PRR16: variants seen among roughly 807,000 people sequenced by gnomAD.
The protein encoded by PRR16 is protein Largen.
A neutral mutation model predicts 18.2 loss-of-function variants in PRR16; 6 were observed. The ratio of observed to expected loss-of-function variants is 0.33; its 90% confidence interval spans 0.18 to 0.65. The LOEUF (loss-of-function observed/expected upper bound fraction) is 0.65. PRR16 is among the 30% of genes least tolerant of loss of function. PRR16 has a pLI of 0.74. For synonymous variants in PRR16, 151 were observed against 147.8 expected (o/e 1.02, Z -0.16); for missense variants, 412 against 376.6 (o/e 1.09, Z -0.78).
intron 1 of PRR16, among the ~76,000 whole-genome samples, chr5:120,539,209 G>A (rs1396943272): frequency 6.6e-6 from 1 of 151,118 alleles, no homozygotes; most frequent in Non-Finnish European, 1.5e-5. Context: ...CATAGTATTG[G>A]CAAAACAAAG....
intron 1 of PRR16, among the ~76,000 whole-genome samples, chr5:120,494,913 A>G (rs558850460): frequency 6.6e-6 from 1 of 152,072 alleles, no homozygotes; most frequent in South Asian, 2.1e-4. Flanking sequence ...TTGTTGTACT[A>G]TTTATGGATC....
chr5:120,563,396 T>G (rs1752637621), intron 1 of PRR16, among the ~76,000 whole-genome samples: 1 of 152,164 alleles, frequency 6.6e-6, no homozygotes. Flanking sequence ...TCAAAAACCT[T>G]AGAAATTAGC....
At chr5:120,682,273 A>G (rs957643053) in intron 1 of PRR16, among the ~76,000 whole-genome samples, 9 of 152,200 alleles carry the variant, frequency 5.9e-5, no homozygotes, top group African/African-American at 2.2e-4. Context: ...ATGCTTCACT[A>G]ACCTTTCTGA....
At chr5:120,649,365 T>G (rs1755699632) in intron 1 of PRR16, among the ~76,000 whole-genome samples, 1 of 152,162 alleles carries the variant, frequency 6.6e-6, no homozygotes, top group Admixed American at 6.6e-5. Context: ...GAAGCCCACA[T>G]GATTCACTGT....
At chr5:120,601,483 T>C (rs1392185684) in intron 1 of PRR16, among the ~76,000 whole-genome samples, 3 of 152,092 alleles carry the variant, frequency 2.0e-5, no homozygotes, top group African/African-American at 4.8e-5. Flanking sequence ...GTCAGATGCA[T>C]AGTTTGAAAA....
intron 1 of PRR16, among the ~76,000 whole-genome samples, chr5:120,487,197 G>A (rs530986473): frequency 2.8e-4 from 42 of 152,194 alleles, no homozygotes; most frequent in Non-Finnish European, 5.4e-4. Flanking sequence ...GTCACTGGTA[G>A]CTTGATAGGG....
At chr5:120,635,236 G>T (rs1755189046) in intron 1 of PRR16, among the ~76,000 whole-genome samples, 1 of 152,080 alleles carries the variant, frequency 6.6e-6, no homozygotes, top group Non-Finnish European at 1.5e-5. Context: ...AAAAGATAGA[G>T]AATGAGAGAA....
rs534098575 is a variant in PRR16 at position 120,565,989 on chromosome 5, A to G, written c.159+101344A>G. 9.8e-5 allele frequency among the ~76,000 whole-genome samples: 15 copies of G among 152,306 alleles called. 1 individual carries two copies. In the South Asian group the frequency reaches 2.3e-3, roughly 23 times the overall value. ...TCTGTGTTAAATATATAACTATGGCATGGTTGATGCTATGGTTTGAATGTT... is the reference window on the plus strand; with the variant it reads ...TCTGTGTTAAATATATAACTATGGCGTGGTTGATGCTATGGTTTGAATGTT... On this transcript the variant is annotated intron_variant, in intron 1 of 1. Coordinates refer to ENST00000407149, the MANE Select transcript of PRR16 (RefSeq NM_001300783.2).
intron 1 of PRR16, among the ~76,000 whole-genome samples, chr5:120,667,506 GTGTT>G (rs1286018914): frequency 2.0e-5 from 3 of 151,440 alleles, no homozygotes; most frequent in Admixed American, 6.6e-5. Flanking sequence ...GCTTTTGAAT[GTGTT>G]TGCTCTTGCT....
chr5:120,787,153 T>A, the PRR16 span, among the ~76,000 whole-genome samples: 5 of 152,182 alleles, frequency 3.3e-5, no homozygotes, highest in Admixed American at 6.6e-5. Flanking sequence ...AGTAGACTTA[T>A]TTAACTTGTA....
chr5:120,751,800 G>A, the PRR16 span, among the ~76,000 whole-genome samples: 1 of 152,048 alleles, frequency 6.6e-6, no homozygotes, highest in Non-Finnish European at 1.5e-5. Flanking sequence ...TGTAGGGGGT[G>A]GGTGGAAGTA....
the PRR16 span, among the ~76,000 whole-genome samples, chr5:120,712,184 A>G: frequency 2.0e-5 from 3 of 152,182 alleles, no homozygotes; most frequent in Non-Finnish European, 4.4e-5. Flanking sequence ...TTACATATCC[A>G]TCACCTTCTA....
the PRR16 span, among the ~76,000 whole-genome samples, chr5:120,753,945 T>TAA: frequency 0.98 from 120,015 of 122,902 alleles, 58,673 homozygotes; most frequent in East Asian, 1. Flanking sequence ...ATATAATATA[T>TAA]GTTATATATT....
At chr5:120,508,747 AG>A (rs1374602246) in intron 1 of PRR16, among the ~76,000 whole-genome samples, 1 of 152,102 alleles carries the variant, frequency 6.6e-6, no homozygotes, top group South Asian at 2.1e-4. Flanking sequence ...CCCCATATAC[AG>A]GGATCATCTT....
chr5:120,706,180 A>G, the PRR16 span, among the ~76,000 whole-genome samples: 1 of 152,174 alleles, frequency 6.6e-6, no homozygotes. Context: ...ACTTGAAAGA[A>G]GGGTTTCTTT....
chr5:120,508,279 A>G (rs1419212676), intron 1 of PRR16, among the ~76,000 whole-genome samples: 1 of 152,160 alleles, frequency 6.6e-6, no homozygotes, highest in Non-Finnish European at 1.5e-5. Flanking sequence ...AGTAGTTACT[A>G]TACACTTGTG....
intron 1 of PRR16, among the ~76,000 whole-genome samples, chr5:120,496,689 T>C (rs1338977191): frequency 6.6e-6 from 1 of 152,008 alleles, no homozygotes; most frequent in South Asian, 2.1e-4. Context: ...TTTGTCTATA[T>C]TGTTTTTGAT....
At chr5:120,699,397 G>T in the PRR16 span, among the ~76,000 whole-genome samples, 1 of 152,094 alleles carries the variant, frequency 6.6e-6, no homozygotes, top group Non-Finnish European at 1.5e-5. Flanking sequence ...GGGAAATGGG[G>T]TGAATGTCAG....
At chr5:120,532,937 C>T (rs943941452) in intron 1 of PRR16, among the ~76,000 whole-genome samples, 1 of 152,080 alleles carries the variant, frequency 6.6e-6, no homozygotes, top group African/African-American at 2.4e-5. Context: ...TGGGTAATGT[C>T]GCTTTACCTT....
Sources: allele counts gnomAD v4.1 joint callset (sites outside exome capture counted in the v4.1 genomes callset), GRCh38; gene constraint gnomAD v4.1.1; transcripts MANE v1.5; gene names NCBI Gene and HGNC (gene_info 2026-07-23, HGNC 2026-07-21).